EML4: variants seen among roughly 807,000 people sequenced by gnomAD.
The protein encoded by EML4 is EMAP like 4, also known as echinoderm microtubule-associated protein-like 4.
In EML4, 72 loss-of-function variants were observed where a neutral mutation model predicts 129.0. The ratio of observed to expected loss-of-function variants is 0.56; its 90% CI spans 0.46 to 0.68. The LOEUF (loss-of-function observed/expected upper bound fraction) is 0.68. Ranked by LOEUF, EML4 falls within the 30% of genes least tolerant of loss-of-function variation. The probability of loss-of-function intolerance (pLI) is 0.00; values close to 1 mark genes in which losing one functional copy is unlikely to be tolerated. For synonymous variants in EML4, 532 were observed against 405.0 expected (o/e 1.31, Z -3.77); for missense variants, 1,363 against 1,190.6 (o/e 1.14, Z -2.13).
At chr2:42,310,510 T>C (rs945116476) in intron 17 of EML4, among the ~76,000 whole-genome samples, 1 of 152,140 alleles carries the variant, frequency 6.6e-6, no homozygotes, top group African/African-American at 2.4e-5. Context: ...CATGCCTGGC[T>C]AATTTTTGTA....
Position 42,286,302 on chromosome 2 carries a change from G to C in EML4, c.1045G>C (p.Val349Leu), listed in dbSNP as rs747248891. The part of the protein sequence containing the change: ...LQPHVRVWDS[V>L]TLSTLQIIGL... Reference sequence around the variant, plus strand: ...ACCCCACGTCAGAGTGTGGGATTCTGTTACTCTATCCACACTGCAGATTAT... The same window carrying C: ...ACCCCACGTCAGAGTGTGGGATTCTCTTACTCTATCCACACTGCAGATTAT... The change falls in exon 10 of 23, where the codon GTT becomes CTT. Residue 349 changes from valine (V) to leucine (L), a missense_variant. Physicochemically the swap from Val to Leu is conservative, Grantham distance 32. Transcript: ENST00000318522. 3.1e-6 allele frequency: 5 copies of C among 1,613,754 alleles called. No homozygotes were observed. Among genetic ancestry groups the C allele is most frequent in the Non-Finnish European group, 4.2e-6 (5 of 1,179,766 alleles).
intron 1 of EML4, among the ~76,000 whole-genome samples, chr2:42,183,926 A>G (rs765937611): frequency 5.9e-5 from 9 of 152,156 alleles, no homozygotes; most frequent in Non-Finnish European, 1.3e-4. Flanking sequence ...TGGTAGAGGC[A>G]AAATGTGGGT....
intron 1 of EML4, among the ~76,000 whole-genome samples, chr2:42,210,654 A>T (rs929253575): frequency 2.6e-5 from 4 of 152,014 alleles, no homozygotes; most frequent in Admixed American, 6.6e-5. Context: ...TCAGTCATTT[A>T]TTTATTTCAG....
intron 19 of EML4, among the ~76,000 whole-genome samples, chr2:42,322,275 A>C (rs969049056): frequency 6.6e-6 from 1 of 152,254 alleles, no homozygotes; most frequent in Non-Finnish European, 1.5e-5. Flanking sequence ...AAGGCAATTC[A>C]GTTCCCTGAG....
intron 1 of EML4, among the ~76,000 whole-genome samples, chr2:42,227,147 G>C (rs1572581220): frequency 6.6e-6 from 1 of 151,812 alleles, no homozygotes; most frequent in South Asian, 2.1e-4. Flanking sequence ...ATCTCGCTCT[G>C]TTGCCCAGCT....
intron 6 of EML4, among the ~76,000 whole-genome samples, chr2:42,270,772 G>C (rs1666320021): frequency 6.6e-6 from 1 of 152,198 alleles, no homozygotes; most frequent in Non-Finnish European, 1.5e-5. Context: ...TTTTTACCAA[G>C]GTGGTATCCC....
At chr2:42,324,431 T>C (rs1352911304) in intron 19 of EML4, among the ~76,000 whole-genome samples, 2 of 152,182 alleles carry the variant, frequency 1.3e-5, no homozygotes, top group East Asian at 1.9e-4. Flanking sequence ...GCCTCGGCGA[T>C]GTGGTGAAAC....
intron 1 of EML4, among the ~76,000 whole-genome samples, chr2:42,238,558 T>C (rs1310197707): frequency 2.0e-5 from 3 of 152,182 alleles, no homozygotes; most frequent in African/African-American, 7.2e-5. Context: ...GCTTGGGCAA[T>C]ATTGTGAGAC....
chr2:42,259,459 C>T (rs1488509697), intron 3 of EML4, among the ~76,000 whole-genome samples: 1 of 152,060 alleles, frequency 6.6e-6, no homozygotes, highest in Non-Finnish European at 1.5e-5. Context: ...AGAATTTATA[C>T]TTAAATATCT....
In EML4 at chr2:42,169,607, G is replaced by C; in HGVS notation, c.-5G>C. 6.3e-7 allele frequency: 1 copy of C among 1,598,726 alleles called. No homozygotes were observed. Among genetic ancestry groups the C allele is most frequent in the Non-Finnish European group, 8.5e-7 (1 of 1,173,674 alleles). Reference sequence around the variant, plus strand: ...AAGCCCGGAGCCCGGCGCTTTCCCCGCAAGATGGACGGTTTCGCCGGCAGT... The same window carrying C: ...AAGCCCGGAGCCCGGCGCTTTCCCCCCAAGATGGACGGTTTCGCCGGCAGT... On this transcript the variant is annotated 5_prime_UTR_variant, in exon 1 of 23. Coordinates refer to ENST00000318522, the MANE Select transcript of EML4 (RefSeq NM_019063.5).
At chr2:42,263,565 C>T (rs1280229894) in intron 5 of EML4, among the ~76,000 whole-genome samples, 2 of 151,324 alleles carry the variant, frequency 1.3e-5, no homozygotes, top group African/African-American at 2.4e-5. Flanking sequence ...CCACCATGCC[C>T]AGCTAATTTT....
chr2:42,287,606 T>C (rs1316057639), intron 10 of EML4, among the ~76,000 whole-genome samples: 1 of 152,152 alleles, frequency 6.6e-6, no homozygotes, highest in East Asian at 1.9e-4. Context: ...GCATTTAATA[T>C]CATCTATAGG....
At position 42,263,794 on chromosome 2, in the gene EML4, A is replaced by G. The variant is rs907917833; in HGVS notation, c.641+488A>G. On this transcript the variant is annotated intron_variant, in intron 5 of 22. Transcript: ENST00000318522. ...TGCCAGGCTGGAGTGCAGTGGCACA[A>G]TCTTGGCTCACTGCAACCTCCGCCT... is the stretch of plus-strand genomic sequence containing the variant. Among the ~76,000 whole-genome samples, 39 of 151,952 alleles carry G rather than the reference A, an allele frequency of 2.6e-4. 1 individual carries two copies. Among genetic ancestry groups the G allele is most frequent in the Admixed American group, 2.0e-3 (30 of 15,256 alleles).
chr2:42,296,421 T>C (rs1049302973), intron 13 of EML4, among the ~76,000 whole-genome samples: 4 of 152,084 alleles, frequency 2.6e-5, no homozygotes, highest in Non-Finnish European at 5.9e-5. Context: ...CAGGGCAACA[T>C]GTCCTTTCTC....
At chr2:42,221,153 A>C (rs1322409993) in intron 1 of EML4, among the ~76,000 whole-genome samples, 1 of 152,138 alleles carries the variant, frequency 6.6e-6, no homozygotes, top group East Asian at 1.9e-4. Flanking sequence ...TGTAGACAAC[A>C]CTGTCTTATA....
intron 1 of EML4, among the ~76,000 whole-genome samples, chr2:42,240,055 C>T (rs1177919406): frequency 6.6e-6 from 1 of 152,110 alleles, no homozygotes; most frequent in Non-Finnish European, 1.5e-5. Flanking sequence ...TCTTAGTTTA[C>T]TTATTTATAA....
chr2:42,200,369 A>C (rs1323114352), intron 1 of EML4, among the ~76,000 whole-genome samples: 1 of 152,036 alleles, frequency 6.6e-6, no homozygotes. Context: ...GGGAAAAAGA[A>C]AGAATTTCAA....
At chr2:42,267,418 T>G (rs2104411114) in intron 6 of EML4, among the ~76,000 whole-genome samples, 1 of 152,352 alleles carries the variant, frequency 6.6e-6, no homozygotes, top group South Asian at 2.1e-4. Flanking sequence ...ATATTTGTCA[T>G]TTTTTGACAT....
intron 21 of EML4, 82 bp from the exon 22 acceptor site, chr2:42,328,804 C>G (rs113643168): frequency 1.7e-6 from 2 of 1,154,828 alleles, no homozygotes; most frequent in Non-Finnish European, 2.4e-6. Flanking sequence ...TAAACAGATT[C>G]TAAAATAAAA....
Sources: allele counts gnomAD v4.1 joint callset (sites outside exome capture counted in the v4.1 genomes callset), GRCh38; gene constraint gnomAD v4.1.1; transcripts MANE v1.5; gene names NCBI Gene and HGNC (gene_info 2026-07-23, HGNC 2026-07-21).